PARL: variants seen among roughly 807,000 people sequenced by gnomAD.
The protein encoded by PARL is presenilin-associated rhomboid-like protein, mitochondrial.
PARL carries 44 observed loss-of-function variants against 51.6 expected under a neutral mutation model. The ratio of observed to expected loss-of-function variants is 0.85; its 90% CI spans 0.67 to 1.10. The LOEUF (loss-of-function observed/expected upper bound fraction) is 1.10, where lower values mean the gene tolerates loss of function less well. Ranked by LOEUF, PARL falls within the 50% of genes least tolerant of loss-of-function variation. The pLI is 0.00. For synonymous variants in PARL, 172 were observed against 164.0 expected (o/e 1.05, Z -0.37); for missense variants, 441 against 469.5 (o/e 0.94, Z 0.56).
chr3:183,855,415 T>G (rs926534129), intron 4 of PARL, among the ~76,000 whole-genome samples: 2 of 152,148 alleles, frequency 1.3e-5, no homozygotes, highest in Admixed American at 6.5e-5. Flanking sequence ...GTGGTAGGAT[T>G]ACAAGTGTGG....
intron 1 of PARL, among the ~76,000 whole-genome samples, chr3:183,868,964 C>T (rs1422676934): frequency 6.6e-6 from 1 of 152,140 alleles, no homozygotes; most frequent in African/African-American, 2.4e-5. Flanking sequence ...TTTGAGTCTA[C>T]AGCTTGACTT....
downstream of PARL, chr3:183,826,717 G>A: frequency 1.0e-6 from 1 of 985,426 alleles, no homozygotes; most frequent in African/African-American, 1.7e-5. Flanking sequence ...CGAGGCGCCA[G>A]GTGTAGAGGG....
intron 3 of PARL, 71 bp downstream of exon 3, chr3:183,866,554 G>A (rs777263973): frequency 2.8e-4 from 338 of 1,227,990 alleles, no homozygotes; most frequent in Non-Finnish European, 2.8e-4. Context: ...CTGAAAACAC[G>A]TGCATCTATT....
At chr3:183,850,927 A>G (rs1223299237) in intron 4 of PARL, among the ~76,000 whole-genome samples, 1 of 152,236 alleles carries the variant, frequency 6.6e-6, no homozygotes, top group Non-Finnish European at 1.5e-5. Flanking sequence ...GAATAAAGAC[A>G]ATGTAGTATT....
rs143830913 is a variant in PARL at position 183,860,555 on chromosome 3, C to A, written c.511+2198G>T. 1.4e-4 allele frequency among the ~76,000 whole-genome samples: 21 copies of A among 152,274 alleles called. No homozygotes were observed. In the East Asian group the frequency reaches 4.1e-3, roughly 29 times the overall value. ...TCTCTCTACTGCTACGCTCTTCATGCCAAATGGCTGATTTGATTTCAAAAA... is the reference window on the plus strand; with the variant it reads ...TCTCTCTACTGCTACGCTCTTCATGACAAATGGCTGATTTGATTTCAAAAA... On this transcript the variant is annotated intron_variant, in intron 4 of 9. Transcript: ENST00000317096.
At chr3:183,840,516 T>G (rs963425797) in intron 7 of PARL, 54 bp downstream of exon 7, 4 of 847,748 alleles carry the variant, frequency 4.7e-6, no homozygotes, top group Non-Finnish European at 7.6e-6. Context: ...CTAAACTTAT[T>G]TCAAAGTAAA....
At chr3:183,843,095 G>A (rs1297137824) in intron 5 of PARL, 1 of 435,586 alleles carries the variant, frequency 2.3e-6, no homozygotes, top group South Asian at 9.7e-5. Context: ...TGTTTCCCAG[G>A]CTGGTCTCGA....
intron 7 of PARL, among the ~76,000 whole-genome samples, chr3:183,837,547 C>T (rs1007986229): frequency 2.0e-5 from 3 of 152,176 alleles, no homozygotes; most frequent in East Asian, 1.9e-4. Flanking sequence ...GTAGCCTGCA[C>T]GCCCTCAGCT....
chr3:183,845,628 T>A (rs560942324), intron 4 of PARL, among the ~76,000 whole-genome samples: 215 of 152,274 alleles, frequency 1.4e-3, no homozygotes, highest in Non-Finnish European at 2.4e-3. Flanking sequence ...GGAAAAGGGA[T>A]CATACACAAG....
At position 183,876,294 on chromosome 3, in the gene PARL, G is replaced by A. The variant is rs754005633; in HGVS notation, c.126-8234C>T. On this transcript the variant is annotated intron_variant, in intron 1 of 9. Transcript: ENST00000317096. Reference sequence around the variant, plus strand: ...ACTCCTGATCTCAGGCGATCCGCCCGTGTTGGCCTCCCACAGTGCTGGTAT... The same window carrying A: ...ACTCCTGATCTCAGGCGATCCGCCCATGTTGGCCTCCCACAGTGCTGGTAT... Among the ~76,000 whole-genome samples the A allele has an allele frequency of 1.1e-4, 16 of 152,240 alleles. 1 individual carries two copies. Among genetic ancestry groups the A allele is most frequent in the Admixed American group, 4.6e-4 (7 of 15,290 alleles).
chr3:183,884,800 G>A lies in PARL; in HGVS notation c.47C>T (p.Ala16Val), dbSNP rs750680443. The change falls in exon 1 of 10, where the codon GCG becomes GTG. Residue 16 changes from alanine (A) to valine (V), a missense_variant. Transcript: ENST00000317096. ...WAQRGWGCGQ[A>V]WGASVGGRSC... ...GCGGCCGCCCACCGACGCACCCCAC[G>A]CCTGGCCGCAGCCCCAGCCTCTCTG... 7 of 1,594,472 alleles carry A rather than the reference G, an allele frequency of 4.4e-6. No individual in the cohort carries two copies. In the Admixed American group the frequency reaches 8.4e-5, roughly 19 times the overall value.
At chr3:183,880,131 C>T (rs1734280228) in intron 1 of PARL, among the ~76,000 whole-genome samples, 2 of 152,176 alleles carry the variant, frequency 1.3e-5, no homozygotes, top group Non-Finnish European at 2.9e-5. Context: ...TTATTCACCT[C>T]TTCCCAATCA....
At chr3:183,865,852 C>T (rs1053768073) in intron 3 of PARL, among the ~76,000 whole-genome samples, 2 of 151,700 alleles carry the variant, frequency 1.3e-5, no homozygotes, top group African/African-American at 4.8e-5. Flanking sequence ...CACGCAGAAA[C>T]ATTAACAACT....
At chr3:183,826,837 C>T, downstream of PARL, 1 of 921,238 alleles carries the variant, frequency 1.1e-6, no homozygotes, top group Non-Finnish European at 1.3e-6. Context: ...GACTAAAATT[C>T]TCCATCTCGC....
At chr3:183,869,405 A>G (rs1014940973) in intron 1 of PARL, among the ~76,000 whole-genome samples, 10 of 152,028 alleles carry the variant, frequency 6.6e-5, no homozygotes, top group African/African-American at 2.4e-4. Flanking sequence ...ATGGGGTTTC[A>G]CCATGTTGGT....
chr3:183,878,763 A>G (rs1203997550), intron 1 of PARL, among the ~76,000 whole-genome samples: 2 of 152,230 alleles, frequency 1.3e-5, no homozygotes, highest in Non-Finnish European at 2.9e-5. Context: ...GAGATTTTGC[A>G]TATCTAAACA....
chr3:183,854,378 A>G (rs1730895726), intron 4 of PARL, among the ~76,000 whole-genome samples: 1 of 152,210 alleles, frequency 6.6e-6, no homozygotes, highest in South Asian at 2.1e-4. Flanking sequence ...ACAAAATGTG[A>G]TATACACACA....
At chr3:183,879,879 A>ATTTTTTTT (rs532111761) in intron 1 of PARL, 36 of 131,306 alleles carry the variant, frequency 2.7e-4, no homozygotes, top group African/African-American at 5.7e-4. Flanking sequence ...ACCAGGACTG[A>ATTTTTTTT]TTTTTTTTTT....
At chr3:183,840,462 G>A (rs1729159384) in intron 7 of PARL, 108 bp downstream of exon 7, 2 of 611,992 alleles carry the variant, frequency 3.3e-6, no homozygotes, top group Admixed American at 6.0e-5. Context: ...TAGGGTGAAG[G>A]GTATATGAGA....
Sources: allele counts gnomAD v4.1 joint callset (sites outside exome capture counted in the v4.1 genomes callset), GRCh38; gene constraint gnomAD v4.1.1; transcripts MANE v1.5; gene names NCBI Gene and HGNC (gene_info 2026-07-23, HGNC 2026-07-21).